EXOC4: variants seen among roughly 807,000 people sequenced by gnomAD.
EXOC4 encodes the protein SEC8-like 1.
Under a neutral mutation model 107.2 loss-of-function variants are expected in EXOC4, and 71 were observed. That is an observed-to-expected ratio of 0.66 (90% CI 0.55 to 0.81). The LOEUF is 0.81. Among genes scored for constraint, EXOC4 ranks in the 30% least tolerant of loss-of-function variants. The pLI is 0.00. For synonymous variants in EXOC4, 456 were observed against 441.2 expected, an observed-to-expected ratio of 1.03 and a Z score of -0.42; for missense variants, 1,108 against 1,189.6, an observed-to-expected ratio of 0.93 and a Z score of 1.01.
intron 10 of EXOC4, among the ~76,000 whole-genome samples, chr7:133,712,178 G>A (rs932232981): frequency 2.0e-5 from 3 of 152,086 alleles, no homozygotes; most frequent in Non-Finnish European, 4.4e-5. Context: ...AGTGGCTCAC[G>A]CCTGTAATCC....
At chr7:133,968,994 G>A (rs991969749) in intron 14 of EXOC4, among the ~76,000 whole-genome samples, 1 of 152,158 alleles carries the variant, frequency 6.6e-6, no homozygotes, top group Admixed American at 6.5e-5. Context: ...ACTTAGGTTA[G>A]GAGTTTTCAC....
intron 10 of EXOC4, among the ~76,000 whole-genome samples, chr7:133,659,135 A>G (rs1803373348): frequency 6.7e-6 from 1 of 149,804 alleles, no homozygotes; most frequent in Non-Finnish European, 1.5e-5. Flanking sequence ...TTGACCATCC[A>G]TAGGTAATAG....
chr7:133,710,258 T>C (rs1004236676), intron 10 of EXOC4, among the ~76,000 whole-genome samples: 3 of 152,156 alleles, frequency 2.0e-5, no homozygotes, highest in Admixed American at 6.5e-5. Flanking sequence ...ATCCGGAGTC[T>C]TCCCTCTTGC....
chr7:133,548,814 G>A (rs1430572807), intron 9 of EXOC4, among the ~76,000 whole-genome samples: 2 of 152,072 alleles, frequency 1.3e-5, no homozygotes, highest in African/African-American at 2.4e-5. Flanking sequence ...TAAAACTTTC[G>A]CCATGTAAGA....
chr7:133,832,417 G>T (rs1408437326), intron 11 of EXOC4, among the ~76,000 whole-genome samples: 1 of 152,128 alleles, frequency 6.6e-6, no homozygotes. Flanking sequence ...CACACAGAAT[G>T]GTTTTTACTA....
At chr7:133,384,973 C>G (rs1415943359) in intron 7 of EXOC4, among the ~76,000 whole-genome samples, 1 of 152,134 alleles carries the variant, frequency 6.6e-6, no homozygotes, top group Non-Finnish European at 1.5e-5. Flanking sequence ...CTTGGCCACG[C>G]ATCTGCAGCA....
chr7:133,441,783 A>G (rs1317918088), intron 7 of EXOC4, among the ~76,000 whole-genome samples: 4 of 152,158 alleles, frequency 2.6e-5, no homozygotes, highest in Non-Finnish European at 5.9e-5. Context: ...CAAATGATAC[A>G]GTGGGGCTAA....
intron 9 of EXOC4, among the ~76,000 whole-genome samples, chr7:133,496,510 A>G (rs1469318197): frequency 6.6e-6 from 1 of 152,212 alleles, no homozygotes; most frequent in Non-Finnish European, 1.5e-5. Flanking sequence ...TCCTTCTAGA[A>G]GAAGTCCTGA....
intron 5 of EXOC4, among the ~76,000 whole-genome samples, chr7:133,351,517 AGAATC>A (rs1795909071): frequency 6.6e-6 from 1 of 151,978 alleles, no homozygotes; most frequent in Non-Finnish European, 1.5e-5. Flanking sequence ...TTATTTCTCT[AGAATC>A]AATGGTAATG....
intron 17 of EXOC4, among the ~76,000 whole-genome samples, chr7:134,040,238 T>G (rs768444849): frequency 2.6e-5 from 4 of 152,224 alleles, no homozygotes; most frequent in Non-Finnish European, 4.4e-5. Flanking sequence ...TAGAGTGACT[T>G]TTTTATAAAT....
chr7:133,496,063 C>T (rs183311269), intron 9 of EXOC4, among the ~76,000 whole-genome samples: 1 of 152,250 alleles, frequency 6.6e-6, no homozygotes, highest in East Asian at 1.9e-4. Flanking sequence ...TCCCCTGCCC[C>T]CATACTGGCA....
chr7:133,401,177 T>C (rs1241273961), intron 7 of EXOC4, among the ~76,000 whole-genome samples: 1 of 151,402 alleles, frequency 6.6e-6, no homozygotes, highest in Non-Finnish European at 1.5e-5. Flanking sequence ...GAGCCCACTT[T>C]TTTTTTTTTT....
chr7:133,866,023 ATATT>A (rs1406680654), intron 11 of EXOC4, among the ~76,000 whole-genome samples: 8 of 152,156 alleles, frequency 5.3e-5, no homozygotes. Context: ...CTTTCAACTA[ATATT>A]TATGAAGGGG....
chr7:133,696,689 T>C (rs1477349203), intron 10 of EXOC4, among the ~76,000 whole-genome samples: 1 of 152,242 alleles, frequency 6.6e-6, no homozygotes, highest in Non-Finnish European at 1.5e-5. Flanking sequence ...AACATAATTA[T>C]TGATTTCTTA....
intron 10 of EXOC4, among the ~76,000 whole-genome samples, chr7:133,698,201 C>T (rs373326614): frequency 2.6e-5 from 4 of 151,746 alleles, no homozygotes; most frequent in Admixed American, 6.6e-5. Context: ...AGTGCCTTTC[C>T]GCGGCGGGGG....
At chr7:133,585,499 C>T (rs557506594) in intron 9 of EXOC4, among the ~76,000 whole-genome samples, 1 of 152,040 alleles carries the variant, frequency 6.6e-6, no homozygotes, top group African/African-American at 2.4e-5. Context: ...TGGTGGCGCA[C>T]ACCTGTGGTC....
intron 14 of EXOC4, among the ~76,000 whole-genome samples, chr7:133,948,893 G>A (rs1663610842): frequency 1.3e-5 from 2 of 152,160 alleles, no homozygotes; most frequent in South Asian, 2.1e-4. Flanking sequence ...CACCTATTAC[G>A]AGTTACGAGT....
chr7:133,533,864 G>A (rs996054996), intron 9 of EXOC4, among the ~76,000 whole-genome samples: 1 of 152,106 alleles, frequency 6.6e-6, no homozygotes, highest in African/African-American at 2.4e-5. Flanking sequence ...TCCCCGATGT[G>A]TTAATCTAAT....
At chr7:133,385,080 C>T (rs765738000) in intron 7 of EXOC4, among the ~76,000 whole-genome samples, 20 of 152,206 alleles carry the variant, frequency 1.3e-4, no homozygotes, top group South Asian at 2.1e-4. Flanking sequence ...CTTGCAGCAG[C>T]GTTGTCTCAG....
Sources: gnomAD v4.1 joint callset for allele counts (sites outside exome capture counted in the v4.1 genomes callset) on GRCh38, gnomAD v4.1.1 for gene constraint, MANE v1.5 for transcripts, NCBI Gene and HGNC (gene_info 2026-07-23, HGNC 2026-07-21) for gene names.